Variants in UBE2E2 observed in about 807,000 individuals in gnomAD.
UBE2E2 encodes ubiquitin conjugating enzyme E2 E2.
In UBE2E2, 6 loss-of-function variants were observed where a neutral mutation model predicts 24.7. The observed-to-expected ratio is 0.24, with a 90% CI of 0.13 to 0.48. UBE2E2 has a LOEUF of 0.48. Among genes scored for constraint, UBE2E2 ranks in the 20% least tolerant of loss-of-function variants. The probability of loss-of-function intolerance (pLI) is 0.99; values close to 1 mark genes in which losing one functional copy is unlikely to be tolerated. For synonymous variants in UBE2E2, 104 were observed against 83.6 expected (o/e 1.24, Z -1.33); for missense variants, 169 against 245.0 (o/e 0.69, Z 2.07).
chr3:23,337,867 G>A (rs989419068), intron 3 of UBE2E2, among the ~76,000 whole-genome samples: 1 of 152,180 alleles, frequency 6.6e-6, no homozygotes, highest in Admixed American at 6.5e-5. Context: ...ATCAAAATGA[G>A]TGAAAGTAGA....
At chr3:23,390,015 A>G (rs1696896298) in intron 3 of UBE2E2, 1 of 152,218 alleles carries the variant, frequency 6.6e-6, no homozygotes, top group Admixed American at 6.5e-5. Context: ...ATCTCAGGCA[A>G]GACAAGAGGG....
chr3:23,495,672 T>A (rs1699583885), intron 3 of UBE2E2, among the ~76,000 whole-genome samples: 1 of 152,198 alleles, frequency 6.6e-6, no homozygotes, highest in Non-Finnish European at 1.5e-5. Flanking sequence ...GCTCAGGGCA[T>A]AACCATGTGT....
At chr3:23,559,459 C>T (rs1055095954) in intron 5 of UBE2E2, among the ~76,000 whole-genome samples, 22 of 152,062 alleles carry the variant, frequency 1.4e-4, no homozygotes, top group African/African-American at 5.3e-4. Flanking sequence ...GAACTTCGTA[C>T]AAGTGAGAAT....
chr3:23,427,166 A>G (rs904706836), intron 3 of UBE2E2, among the ~76,000 whole-genome samples: 1 of 151,594 alleles, frequency 6.6e-6, no homozygotes, highest in Non-Finnish European at 1.5e-5. Context: ...CATGCCTGTA[A>G]TTCCAGCACT....
intron 5 of UBE2E2, among the ~76,000 whole-genome samples, chr3:23,570,384 C>A (rs1185558081): frequency 6.6e-6 from 1 of 152,114 alleles, no homozygotes; most frequent in African/African-American, 2.4e-5. Flanking sequence ...CTAGACTCAA[C>A]CCCCTTGCCC....
rs529143015 is a variant in UBE2E2, at chr3:23,545,147, C to G, written c.508+12446C>G. 3.3e-5 allele frequency among the ~76,000 whole-genome samples: 5 copies of G among 152,246 alleles called. No individual in the cohort carries two copies. The South Asian group carries it at 1.0e-3, about 32-fold the overall frequency. On this transcript the variant is annotated intron_variant, in intron 5 of 5. Transcript: ENST00000396703. Reference sequence around the variant, plus strand: ...GGACGGGCAGGAGACAGATGCCTTCCTCTTGTCTCAACTGCAAGAGGCATG... The same window carrying G: ...GGACGGGCAGGAGACAGATGCCTTCGTCTTGTCTCAACTGCAAGAGGCATG...
chr3:23,328,773 T>A (rs7622913), intron 3 of UBE2E2, among the ~76,000 whole-genome samples: 1 of 151,688 alleles, frequency 6.6e-6, no homozygotes, highest in East Asian at 1.9e-4. Context: ...GCGATTCTCC[T>A]GCCTCAGCCT....
At chr3:23,281,378 T>C (rs1698487482) in intron 3 of UBE2E2, among the ~76,000 whole-genome samples, 1 of 152,238 alleles carries the variant, frequency 6.6e-6, no homozygotes, top group African/African-American at 2.4e-5. Flanking sequence ...ATGCCTGTAA[T>C]ACCAGCATTT....
chr3:23,416,928 GT>G (rs1697652154), intron 3 of UBE2E2, among the ~76,000 whole-genome samples: 2 of 152,198 alleles, frequency 1.3e-5, no homozygotes, highest in Non-Finnish European at 1.5e-5. Flanking sequence ...CTCTAAACTG[GT>G]TATTCTAGTT....
chr3:23,546,763 G>A (rs1019318416), intron 5 of UBE2E2, among the ~76,000 whole-genome samples: 3 of 151,750 alleles, frequency 2.0e-5, no homozygotes, highest in African/African-American at 4.8e-5. Context: ...ATGAGCCACC[G>A]CGCCCGGCAA....
chr3:23,378,236 TAAAAAAAA>T (rs56808350), intron 3 of UBE2E2, among the ~76,000 whole-genome samples: 1,208 of 118,068 alleles, frequency 0.01, 30 homozygotes, highest in Admixed American at 0.058. Context: ...AAATAAGCAG[TAAAAAAAA>T]AAAAAAAAAA....
chr3:23,272,471 A>G (rs1005039717), intron 3 of UBE2E2, among the ~76,000 whole-genome samples: 5 of 152,166 alleles, frequency 3.3e-5, no homozygotes, highest in African/African-American at 1.2e-4. Flanking sequence ...CAGCGGACTG[A>G]TGGGCTCCTC....
chr3:23,440,264 ACT>A (rs557642214), intron 3 of UBE2E2, among the ~76,000 whole-genome samples: 1 of 151,870 alleles, frequency 6.6e-6, no homozygotes, highest in Non-Finnish European at 1.5e-5. Flanking sequence ...ACAGAGTGAG[ACT>A]CTGTCTCAAA....
chr3:23,480,226 G>A (rs1575657515), intron 3 of UBE2E2, among the ~76,000 whole-genome samples: 1 of 152,228 alleles, frequency 6.6e-6, no homozygotes, highest in African/African-American at 2.4e-5. Context: ...GGGCTGGTGT[G>A]TCAGTGCTGC....
chr3:23,440,739 C>G (rs952978246), intron 3 of UBE2E2, among the ~76,000 whole-genome samples: 3 of 151,990 alleles, frequency 2.0e-5, no homozygotes, highest in African/African-American at 4.8e-5. Flanking sequence ...AAATAGTTTT[C>G]AGATTTAAAT....
At chr3:23,396,975 C>T (rs1697094535) in intron 3 of UBE2E2, among the ~76,000 whole-genome samples, 1 of 152,154 alleles carries the variant, frequency 6.6e-6, no homozygotes, top group South Asian at 2.1e-4. Flanking sequence ...GTGCAATGTG[C>T]TGGCTCTTGT....
chr3:23,379,106 G>C (rs1454561197), intron 3 of UBE2E2, among the ~76,000 whole-genome samples: 1 of 152,086 alleles, frequency 6.6e-6, no homozygotes, highest in Non-Finnish European at 1.5e-5. Context: ...TGACTGTCTT[G>C]TGAGATTGAA....
chr3:23,398,277 C>A lies in UBE2E2; in HGVS notation c.228-101331C>A, dbSNP rs572492904. 4.2e-5 allele frequency among the ~76,000 whole-genome samples: 6 copies of A among 144,528 alleles called. No homozygotes were observed. The East Asian group carries it at 1.2e-3, about 29-fold the overall frequency. 94.8% of individuals were successfully genotyped at this position (144,528 alleles called of 152,430 possible). Reference sequence around the variant, plus strand: ...TCAGTGAGCTGAGATGGCACCACTGCACTCCATTCTGGACAGCAGAGCAAG... The same window carrying A: ...TCAGTGAGCTGAGATGGCACCACTGAACTCCATTCTGGACAGCAGAGCAAG... On this transcript the variant is annotated intron_variant, in intron 3 of 5. Coordinates refer to ENST00000396703, the MANE Select transcript of UBE2E2 (RefSeq NM_152653.4).
intron 3 of UBE2E2, among the ~76,000 whole-genome samples, chr3:23,352,336 G>A (rs1034975804): frequency 6.6e-6 from 1 of 152,034 alleles, no homozygotes; most frequent in African/African-American, 2.4e-5. Flanking sequence ...AGAAAAACAA[G>A]AGCAAACACA....
Sources: allele counts gnomAD v4.1 joint callset (sites outside exome capture counted in the v4.1 genomes callset), GRCh38; gene constraint gnomAD v4.1.1; transcripts MANE v1.5; gene names NCBI Gene and HGNC (gene_info 2026-07-23, HGNC 2026-07-21).